WWOX: variants seen among roughly 807,000 people sequenced by gnomAD.
The protein encoded by WWOX is WW domain-containing oxidoreductase.
A neutral mutation model predicts 46.2 loss-of-function variants in WWOX; 69 were observed. The observed-to-expected ratio is 1.49, with a 90% confidence interval of 1.23 to 1.82. The LOEUF is 1.82. Among genes scored for constraint, WWOX ranks in the 40% most tolerant of loss-of-function variants. The pLI is 0.00. For missense variants in WWOX, 919 were observed against 542.6 expected (o/e 1.69, Z -6.89); for synonymous variants, 359 against 202.6 (o/e 1.77, Z -6.56).
At chr16:78,739,703 G>C (rs781634393) in intron 8 of WWOX, among the ~76,000 whole-genome samples, 1 of 152,014 alleles carries the variant, frequency 6.6e-6, no homozygotes, top group Non-Finnish European at 1.5e-5. Flanking sequence ...CCCAGCTACT[G>C]CAGAGGCTGA....
At chr16:78,253,698 C>T (rs533900136) in intron 5 of WWOX, among the ~76,000 whole-genome samples, 1 of 152,308 alleles carries the variant, frequency 6.6e-6, no homozygotes, top group Admixed American at 6.5e-5. Flanking sequence ...AGATATTTAA[C>T]TTTACTAACA....
chr16:78,888,438 AT>A (rs1166335635), intron 8 of WWOX, among the ~76,000 whole-genome samples: 1 of 152,002 alleles, frequency 6.6e-6, no homozygotes, highest in African/African-American at 2.4e-5. Context: ...TTGTCTAGGG[AT>A]TTAGTTTCTC....
At chr16:78,248,864 CTTTT>C (rs869134108) in intron 5 of WWOX, among the ~76,000 whole-genome samples, 10 of 117,376 alleles carry the variant, frequency 8.5e-5, no homozygotes, top group Non-Finnish European at 1.1e-4. Flanking sequence ...GCCCCCCGGC[CTTTT>C]TTTTTTTTTT....
chr16:78,930,114 G>A (rs2045586429), intron 8 of WWOX, among the ~76,000 whole-genome samples: 1 of 151,998 alleles, frequency 6.6e-6, no homozygotes, highest in Non-Finnish European at 1.5e-5. Context: ...TGCCGTCTGG[G>A]ATGTGGGGTC....
intron 5 of WWOX, among the ~76,000 whole-genome samples, chr16:78,374,439 C>G (rs1167600810): frequency 2.0e-5 from 3 of 151,018 alleles, no homozygotes; most frequent in African/African-American, 7.3e-5. Context: ...GGTCCTGTAG[C>G]TACTCCAAAT....
intron 8 of WWOX, among the ~76,000 whole-genome samples, chr16:78,782,201 C>G (rs1015378878): frequency 9.2e-5 from 14 of 152,194 alleles, no homozygotes; most frequent in African/African-American, 3.4e-4. Context: ...CTTCAGGCCA[C>G]CTATCCCTTC....
At chr16:78,885,671 GT>G (rs1305390048) in intron 8 of WWOX, among the ~76,000 whole-genome samples, 1 of 152,110 alleles carries the variant, frequency 6.6e-6, no homozygotes, top group Non-Finnish European at 1.5e-5. Flanking sequence ...TATGTAAATA[GT>G]TTTTGCAGTT....
chr16:78,701,677 C>T (rs534638713), intron 8 of WWOX, among the ~76,000 whole-genome samples: 38 of 152,140 alleles, frequency 2.5e-4, no homozygotes, highest in Admixed American at 7.9e-4. Flanking sequence ...AGTCTATGAG[C>T]TCGAAGGGAG....
At chr16:78,893,055 G>T (rs1567631211) in intron 8 of WWOX, among the ~76,000 whole-genome samples, 2 of 152,134 alleles carry the variant, frequency 1.3e-5, no homozygotes, top group African/African-American at 4.8e-5. Flanking sequence ...CAGACCGTGA[G>T]GTCAGAGGAG....
At chr16:78,778,332 C>G (rs2050242771) in intron 8 of WWOX, among the ~76,000 whole-genome samples, 1 of 152,158 alleles carries the variant, frequency 6.6e-6, no homozygotes, top group African/African-American at 2.4e-5. Context: ...GGGTGGAAGG[C>G]AGGTTTCACG....
At chr16:78,173,159 T>A (rs574618733) in intron 5 of WWOX, among the ~76,000 whole-genome samples, 1 of 152,324 alleles carries the variant, frequency 6.6e-6, no homozygotes, top group Admixed American at 6.5e-5. Flanking sequence ...ATGCAGCTAA[T>A]TTTTACATAT....
At chr16:78,874,971 G>C (rs534127054) in intron 8 of WWOX, among the ~76,000 whole-genome samples, 30 of 152,146 alleles carry the variant, frequency 2.0e-4, no homozygotes, top group African/African-American at 6.7e-4. Flanking sequence ...ATGACTTCAC[G>C]TTGCATACAT....
chr16:79,162,067 T>A (rs1295270566), intron 8 of WWOX, among the ~76,000 whole-genome samples: 1 of 152,198 alleles, frequency 6.6e-6, no homozygotes, highest in East Asian at 1.9e-4. Flanking sequence ...CGGGTAGTTA[T>A]TGAATTGGTC....
At chr16:78,721,888 A>T (rs576703836) in intron 8 of WWOX, among the ~76,000 whole-genome samples, 1 of 152,356 alleles carries the variant, frequency 6.6e-6, no homozygotes, top group African/African-American at 2.4e-5. Context: ...AGGAGCTGGA[A>T]TTGTCGATAA....
At chr16:78,606,472 G>A (rs2045760198) in intron 8 of WWOX, among the ~76,000 whole-genome samples, 1 of 151,986 alleles carries the variant, frequency 6.6e-6, no homozygotes, top group Admixed American at 6.6e-5. Context: ...AAAAAAGGGT[G>A]CTTGATGCCC....
At chr16:79,029,538 C>G (rs2047712677) in intron 8 of WWOX, among the ~76,000 whole-genome samples, 1 of 152,130 alleles carries the variant, frequency 6.6e-6, no homozygotes, top group African/African-American at 2.4e-5. Context: ...CAGGATGCTC[C>G]TTTAAGTTAG....
intron 8 of WWOX, among the ~76,000 whole-genome samples, chr16:78,554,323 A>T (rs2044239062): frequency 6.6e-6 from 1 of 152,110 alleles, no homozygotes; most frequent in African/African-American, 2.4e-5. Context: ...TGGAACACTA[A>T]GTATGTGGGA....
At chr16:78,753,817 AAAAAAAAAATATATATATATAT>A (rs1289469737) in intron 8 of WWOX, among the ~76,000 whole-genome samples, 5 of 76,934 alleles carry the variant, frequency 6.5e-5, no homozygotes, top group African/African-American at 2.3e-4. Context: ...AAAAAAAAAA[AAAAAAAAAATATATATATATAT>A]ATATATATAT....
chr16:78,228,812 C>G (rs1255499650), intron 5 of WWOX, among the ~76,000 whole-genome samples: 1 of 152,206 alleles, frequency 6.6e-6, no homozygotes, highest in Non-Finnish European at 1.5e-5. Context: ...TTACCACTCT[C>G]TCCTTCCTGG....
Sources: gnomAD v4.1 joint callset for allele counts (sites outside exome capture counted in the v4.1 genomes callset) on GRCh38, gnomAD v4.1.1 for gene constraint, MANE v1.5 for transcripts, NCBI Gene and HGNC (gene_info 2026-07-23, HGNC 2026-07-21) for gene names.